Variants in EPB41 observed in about 807,000 individuals in gnomAD.
The protein encoded by EPB41 is protein 4.1.
In EPB41, 65 loss-of-function variants were observed where a neutral mutation model predicts 108.0. The ratio of observed to expected loss-of-function variants is 0.60; its 90% CI spans 0.49 to 0.74. The LOEUF (loss-of-function observed/expected upper bound fraction) is 0.74. Ranked by LOEUF, EPB41 falls within the 30% of genes least tolerant of loss-of-function variation. The pLI is 0.00. For synonymous variants in EPB41, 336 were observed against 358.9 expected, an observed-to-expected ratio of 0.94 and a Z score of 0.72; for missense variants, 875 against 1,037.0, an observed-to-expected ratio of 0.84 and a Z score of 2.15.
intron 16 of EPB41, among the ~76,000 whole-genome samples, chr1:29,077,404 C>CA (rs574403254): frequency 5.0e-4 from 73 of 144,560 alleles, no homozygotes; most frequent in East Asian, 3.4e-3. Flanking sequence ...GACCCCATCT[C>CA]AAAAAAAAAA....
In EPB41 at chr1:28,938,534, A is replaced by AT. The variant is rs1557737489; in HGVS notation, c.-8+23766_-8+23767insT. 3.5e-3 allele frequency among the ~76,000 whole-genome samples: 412 copies of AT among 118,840 alleles called. 2 individuals carry two copies. Among genetic ancestry groups the AT allele is most frequent in the African/African-American group, 0.015 (378 of 25,042 alleles). 78.0% of individuals were successfully genotyped at this position (118,840 alleles called of 152,430 possible). A position where few individuals can be genotyped will look rare whatever the true frequency, so the allele number is the denominator to read the frequency against. ...TATATAGAAATACAGTTGATTTTTG[A>AT]ATTTTTTTTTTTTTTTGACACAGTA... On this transcript the variant is annotated intron_variant, in intron 1 of 20. Transcript: ENST00000343067.
intron 13 of EPB41, 48 bp from the exon 14 acceptor site, chr1:29,058,763 A>C: frequency 6.5e-7 from 1 of 1,533,824 alleles, no homozygotes; most frequent in Non-Finnish European, 8.8e-7. Flanking sequence ...AACTTCAATG[A>C]GCAACATTTT....
chr1:29,051,796 G>C (rs1195466727), intron 11 of EPB41, among the ~76,000 whole-genome samples: 1 of 151,950 alleles, frequency 6.6e-6, no homozygotes, highest in African/African-American at 2.4e-5. Flanking sequence ...TACTGGGGAG[G>C]CTGAGGCAGG....
At chr1:29,060,023 C>G (rs923718432) in intron 14 of EPB41, among the ~76,000 whole-genome samples, 1 of 152,030 alleles carries the variant, frequency 6.6e-6, no homozygotes. Context: ...TAAAATACAT[C>G]CCAAAAGCTA....
chr1:29,068,865 G>A, intron 16 of EPB41: 2 of 1,082,542 alleles, frequency 1.8e-6, no homozygotes, highest in Non-Finnish European at 2.3e-6. Flanking sequence ...CCCCAGAACT[G>A]AACAACAGCT....
intron 17 of EPB41, 128 bp from the exon 18 acceptor site, chr1:29,109,208 A>AT: frequency 2.7e-6 from 2 of 749,890 alleles, no homozygotes; most frequent in Non-Finnish European, 4.6e-6. Context: ...CAAAAAAAAA[A>AT]AAAGAGGTCA....
chr1:28,994,122 G>A (rs1279720165), intron 3 of EPB41, among the ~76,000 whole-genome samples: 1 of 152,096 alleles, frequency 6.6e-6, no homozygotes, highest in African/African-American at 2.4e-5. Flanking sequence ...AAATATCAGA[G>A]TTATTCAGTT....
chr1:28,934,665 A>AT (rs746963834), intron 1 of EPB41, among the ~76,000 whole-genome samples: 2,302 of 33,142 alleles, frequency 0.069, 46 homozygotes, highest in Middle Eastern at 0.24. Flanking sequence ...TTCTTTTGAC[A>AT]TTGTGTGTGT....
At chr1:29,008,682 C>T (rs889198981) in intron 4 of EPB41, among the ~76,000 whole-genome samples, 5 of 152,150 alleles carry the variant, frequency 3.3e-5, no homozygotes, top group African/African-American at 4.8e-5. Context: ...CAATGGCTCC[C>T]GCTTGCTAAG....
intron 5 of EPB41, among the ~76,000 whole-genome samples, chr1:29,012,205 G>C (rs1229626865): frequency 6.6e-6 from 1 of 151,994 alleles, no homozygotes; most frequent in Non-Finnish European, 1.5e-5. Context: ...ACAAAGATGA[G>C]AAAAGAAAAA....
intron 18 of EPB41, among the ~76,000 whole-genome samples, chr1:29,111,847 C>T (rs974473906): frequency 1.1e-4 from 16 of 149,354 alleles, no homozygotes; most frequent in Middle Eastern, 3.5e-3. Context: ...CATGGTGGTG[C>T]GTGCCTGTAG....
At chr1:29,033,313 T>G in intron 9 of EPB41, 68 bp downstream of exon 9, 1 of 1,570,146 alleles carries the variant, frequency 6.4e-7, no homozygotes. Context: ...TACATTTCCA[T>G]TTTCCTTATT....
At chr1:28,904,963 G>A (rs1049573701) in intron 1 of EPB41, among the ~76,000 whole-genome samples, 1 of 150,710 alleles carries the variant, frequency 6.6e-6, no homozygotes, top group Admixed American at 6.6e-5. Context: ...CCTGGGAGGC[G>A]GAGCTTGTAG....
intron 4 of EPB41, among the ~76,000 whole-genome samples, chr1:28,997,759 T>G (rs947854316): frequency 1.3e-5 from 2 of 151,948 alleles, no homozygotes; most frequent in Non-Finnish European, 2.9e-5. Context: ...GAAAGCAACA[T>G]TATGAAACAG....
chr1:28,970,951 G>A (rs931784404), intron 1 of EPB41, among the ~76,000 whole-genome samples: 1 of 151,926 alleles, frequency 6.6e-6, no homozygotes, highest in Non-Finnish European at 1.5e-5. Context: ...AGGTTCAGAC[G>A]ATTCTCCTGT....
At chr1:28,891,824 C>T (rs1434241028) in intron 1 of EPB41, among the ~76,000 whole-genome samples, 3 of 152,224 alleles carry the variant, frequency 2.0e-5, no homozygotes, top group East Asian at 1.9e-4. Flanking sequence ...CATGGTGGCT[C>T]ACACCTGTAA....
chr1:28,898,623 C>T (rs942954486), intron 1 of EPB41, among the ~76,000 whole-genome samples: 1 of 152,234 alleles, frequency 6.6e-6, no homozygotes, highest in African/African-American at 2.4e-5. Context: ...ACTGCTTCCC[C>T]TTTACCTCTC....
At chr1:28,930,003 GAAAA>G (rs1291389060) in intron 1 of EPB41, among the ~76,000 whole-genome samples, 12 of 151,274 alleles carry the variant, frequency 7.9e-5, no homozygotes, top group African/African-American at 2.4e-4. Context: ...TCATCCCCCT[GAAAA>G]GAAACTTCAT....
intron 19 of EPB41, among the ~76,000 whole-genome samples, chr1:29,114,261 A>T (rs1321615735): frequency 1.3e-5 from 2 of 152,158 alleles, no homozygotes; most frequent in East Asian, 3.8e-4. Context: ...AAAGTAATCA[A>T]AGCTCCTCCA....
Sources: allele counts gnomAD v4.1 joint callset (sites outside exome capture counted in the v4.1 genomes callset), GRCh38; gene constraint gnomAD v4.1.1; transcripts MANE v1.5; gene names NCBI Gene and HGNC (gene_info 2026-07-23, HGNC 2026-07-21).